Variants in MOK observed in about 807,000 individuals in gnomAD.
The protein encoded by MOK is MOK protein kinase.
A neutral mutation model predicts 54.2 loss-of-function variants in MOK; 59 were observed. That is an observed-to-expected ratio of 1.09 (90% CI 0.88 to 1.35). The LOEUF (loss-of-function observed/expected upper bound fraction) is 1.35. Ranked by LOEUF, MOK falls within the 40% of genes most tolerant of loss-of-function variation. MOK has a pLI of 0.00. For missense variants in MOK, 517 were observed against 526.2 expected, an observed-to-expected ratio of 0.98 and a Z score of 0.17; for synonymous variants, 210 against 202.7, an observed-to-expected ratio of 1.04 and a Z score of -0.31.
intron 1 of MOK, among the ~76,000 whole-genome samples, chr14:102,298,574 C>G (rs886755681): frequency 6.6e-6 from 1 of 152,188 alleles, no homozygotes; most frequent in African/African-American, 2.4e-5. Flanking sequence ...ACGCACCAAT[C>G]AGCACCCTGT....
At chr14:102,304,744 C>A (rs1396792691) in intron 1 of MOK, among the ~76,000 whole-genome samples, 1 of 152,218 alleles carries the variant, frequency 6.6e-6, no homozygotes, top group African/African-American at 2.4e-5. Context: ...AAGTTCCCAA[C>A]CTAGCCCCAA....
intron 2 of MOK, among the ~76,000 whole-genome samples, chr14:102,273,434 G>T (rs961296985): frequency 6.6e-6 from 1 of 152,030 alleles, no homozygotes. Context: ...AAAACACTTA[G>T]ATATAAATTT....
chr14:102,287,849 G>C (rs1206038154), intron 1 of MOK, among the ~76,000 whole-genome samples: 6 of 142,554 alleles, frequency 4.2e-5, no homozygotes, highest in Non-Finnish European at 9.0e-5. Flanking sequence ...TTTTTGAGAC[G>C]GAGTCTTGCT....
At position 102,282,194 on chromosome 14, in the gene MOK, C is replaced by A. The variant is rs2153168655; in HGVS notation, c.122+1284G>T. On this transcript the variant is annotated intron_variant, in intron 2 of 11. Coordinates refer to ENST00000361847, the MANE Select transcript of MOK (RefSeq NM_014226.3). ...GGCTGAGGCAGAAGGATCACTTGAG[C>A]CCGGGAGTTCATGGTCAGCTTGGGC... Among the ~76,000 whole-genome samples the A allele has an allele frequency of 2.0e-5, 3 of 151,856 alleles. No homozygotes were observed. The South Asian group carries it at 6.3e-4, about 32-fold the overall frequency.
At chr14:102,225,132 C>T (rs1354516228), downstream of MOK, 2 of 250,944 alleles carry the variant, frequency 8.0e-6, no homozygotes, top group African/African-American at 2.3e-5. Context: ...GCGATCATAG[C>T]TCATTGTAGC....
At chr14:102,295,277 G>A (rs1205740651) in intron 1 of MOK, among the ~76,000 whole-genome samples, 1 of 152,164 alleles carries the variant, frequency 6.6e-6, no homozygotes, top group Non-Finnish European at 1.5e-5. Context: ...GAGAACAAGG[G>A]AGATAAATGA....
At chr14:102,279,075 A>C (rs913725166) in intron 2 of MOK, among the ~76,000 whole-genome samples, 3 of 152,166 alleles carry the variant, frequency 2.0e-5, no homozygotes, top group Non-Finnish European at 4.4e-5. Context: ...CATGAACTAA[A>C]ATGGAGGAGC....
At chr14:102,220,174 G>A (rs1215151671), downstream of MOK, among the ~76,000 whole-genome samples, 5 of 152,164 alleles carry the variant, frequency 3.3e-5, no homozygotes, top group East Asian at 3.9e-4. This position sits in a 1 kb window ranked among gnomAD's most constrained non-coding sequence, Gnocchi z 4.2. Context: ...CTCAGCAGCC[G>A]CCCTCCCCTG....
At chr14:102,241,150 A>C (rs565787996) in intron 7 of MOK, among the ~76,000 whole-genome samples, 58 of 152,164 alleles carry the variant, frequency 3.8e-4, no homozygotes, top group East Asian at 1.9e-3. Flanking sequence ...CTCTGCTCCC[A>C]ATGCAACTCA....
At chr14:102,233,439 C>T (rs942948896) in intron 8 of MOK, 4 of 478,460 alleles carry the variant, frequency 8.4e-6, no homozygotes, top group Non-Finnish European at 1.5e-5. Context: ...CAGCCTGACT[C>T]CCCAGCCCTC....
At chr14:102,244,021 C>A (rs1054792629) in intron 7 of MOK, among the ~76,000 whole-genome samples, 9 of 152,240 alleles carry the variant, frequency 5.9e-5, no homozygotes, top group African/African-American at 1.9e-4. Context: ...CTTCCATATC[C>A]TGCCCCACCA....
chr14:102,243,215 A>G (rs987121420), intron 7 of MOK, among the ~76,000 whole-genome samples: 2 of 152,156 alleles, frequency 1.3e-5, no homozygotes, highest in African/African-American at 4.8e-5. Context: ...CAAAACCATT[A>G]CATAAACACA....
intron 4 of MOK, chr14:102,260,647 T>C (rs989041173): frequency 3.9e-5 from 6 of 152,104 alleles, no homozygotes; most frequent in Non-Finnish European, 5.9e-5. Flanking sequence ...CATCTCAGAG[T>C]TGGTGCACTG....
At chr14:102,283,233 G>T (rs2069658200) in intron 2 of MOK, 2 of 368,782 alleles carry the variant, frequency 5.4e-6, no homozygotes, top group Non-Finnish European at 4.9e-6. Context: ...ACTGTTTAAG[G>T]TGAGACACAC....
intron 1 of MOK, among the ~76,000 whole-genome samples, chr14:102,295,893 T>A (rs1232931363): frequency 6.6e-6 from 1 of 152,202 alleles, no homozygotes; most frequent in East Asian, 1.9e-4. Flanking sequence ...CCTAACACTT[T>A]GGGAGTGCAA....
chr14:102,276,973 A>ATAC (rs2068927260), intron 2 of MOK, among the ~76,000 whole-genome samples: 1 of 150,486 alleles, frequency 6.6e-6, no homozygotes. Flanking sequence ...ACAGCCTCTC[A>ATAC]AGTAGCTAGG....
intron 1 of MOK, among the ~76,000 whole-genome samples, chr14:102,286,237 T>A (rs1384998192): frequency 7.4e-6 from 1 of 135,192 alleles, no homozygotes; most frequent in Non-Finnish European, 1.5e-5. Context: ...AGGCGGAGCC[T>A]GCAGTGAGCC....
At chr14:102,253,255 G>T (rs1326089511) in intron 4 of MOK, among the ~76,000 whole-genome samples, 1 of 152,216 alleles carries the variant, frequency 6.6e-6, no homozygotes, top group Non-Finnish European at 1.5e-5. Flanking sequence ...CATACAATGT[G>T]TAAGGATGAA....
intron 10 of MOK, chr14:102,229,863 G>A (rs2064508433): frequency 1.7e-6 from 1 of 580,144 alleles, no homozygotes; most frequent in Admixed American, 3.3e-5. Context: ...AACCTTCAGG[G>A]GGAACCTGAA....
Sources: allele counts gnomAD v4.1 joint callset (sites outside exome capture counted in the v4.1 genomes callset), GRCh38; gene constraint gnomAD v4.1.1; non-coding constraint Gnocchi (gnomAD v3.1); transcripts MANE v1.5; gene names NCBI Gene and HGNC (gene_info 2026-07-23, HGNC 2026-07-21).